TCERG1: variants seen among roughly 807,000 people sequenced by gnomAD.
The protein encoded by TCERG1 is transcription elongation regulator 1.
TCERG1 carries 37 observed loss-of-function variants against 144.7 expected under a neutral mutation model. The ratio of observed to expected loss-of-function variants is 0.26; its 90% CI spans 0.20 to 0.34. The LOEUF (loss-of-function observed/expected upper bound fraction) is 0.34. Ranked by LOEUF, TCERG1 falls within the 10% of genes least tolerant of loss-of-function variation. The pLI, the probability that TCERG1 is intolerant of heterozygous loss-of-function variation, is 1.00. For missense variants in TCERG1, 1,027 were observed against 1,380.7 expected, an observed-to-expected ratio of 0.74 and a Z score of 4.06; for synonymous variants, 492 against 458.2, an observed-to-expected ratio of 1.07 and a Z score of -0.94.
intron 6 of TCERG1, among the ~76,000 whole-genome samples, chr5:146,468,804 A>G (rs920535784): frequency 2.0e-5 from 3 of 152,186 alleles, no homozygotes; most frequent in African/African-American, 7.2e-5. Context: ...ACATGTGTAT[A>G]GTATACATTT....
At chr5:146,472,328 A>G (rs966486618) in intron 9 of TCERG1, among the ~76,000 whole-genome samples, 42 of 151,590 alleles carry the variant, frequency 2.8e-4, no homozygotes, top group African/African-American at 9.7e-4. Flanking sequence ...TGTATCTAAC[A>G]TGCCTCTTGG....
intron 1 of TCERG1, among the ~76,000 whole-genome samples, chr5:146,454,150 G>A (rs1352488310): frequency 2.0e-5 from 3 of 151,032 alleles, no homozygotes; most frequent in Admixed American, 6.6e-5. Context: ...GCAGTGAGCC[G>A]AGATCATGCC....
chr5:146,486,818 T>TA (rs1278625431), intron 15 of TCERG1, among the ~76,000 whole-genome samples: 1 of 152,230 alleles, frequency 6.6e-6, no homozygotes, highest in African/African-American at 2.4e-5. Context: ...CTCATGCCTG[T>TA]AATCCCAGCA....
chr5:146,509,257 G>A lies in TCERG1; in HGVS notation c.3146+12G>A, dbSNP rs545571361. The A allele has an allele frequency of 1.3e-6, 2 of 1,558,192 alleles. No individual in the cohort carries two copies. The highest frequency in any genetic ancestry group is 2.3e-5 in the South Asian group (2 of 86,190). On this transcript the variant is annotated intron_variant, in intron 22 of 22. Coordinates refer to ENST00000679501, the MANE Select transcript of TCERG1 (RefSeq NM_001382548.1). ...TTTATAACATATAGGTGTGTGCAAT[G>A]AAATGTTTCATATTGGCAGTCATTC...
Position 146,507,997 on chromosome 5 carries a change from A to G in TCERG1, c.3045+41A>G, listed in dbSNP as rs371747195. ...GTCGAGATTTACTGTCAGTCTATAA[A>G]TACTTAAATCGGGGCCTAACAGCAC... On this transcript the variant is annotated intron_variant, in intron 21 of 22. Transcript: ENST00000679501. This position sits in a 1 kb window ranked among gnomAD's most constrained non-coding sequence, Gnocchi z 4.6. 14 of 1,479,468 alleles carry G rather than the reference A, an allele frequency of 9.5e-6. No homozygotes were observed. The African/African-American group carries it at 1.8e-4, about 19-fold the overall frequency. The allele number at this position is 1,479,468 out of a possible 1,614,324, so 91.6% of individuals were successfully genotyped here. A position where few individuals can be genotyped will look rare whatever the true frequency, so the allele number is the denominator to read the frequency against.
At position 146,458,979 on chromosome 5, in the gene TCERG1, AGCCCAGGCACAGGTTCAGGCTCAG is replaced by A; in HGVS notation, c.543_566del (p.Val183_Gln190del). The stretch of plus-strand genomic sequence containing the variant: ...AATCAGAACTGACACCTATGCTTGC[AGCCCAGGCACAGGTTCAGGCTCAG>A]GCCCAGGCGCAGGCTCAGGCCCAGG... On this transcript the variant is annotated inframe_deletion, in exon 4 of 23. Coordinates refer to ENST00000679501, the MANE Select transcript of TCERG1 (RefSeq NM_001382548.1). The A allele has an allele frequency of 6.2e-7, 1 of 1,614,142 alleles. No homozygotes were observed. The highest frequency in any genetic ancestry group is 1.1e-5 in the South Asian group (1 of 91,078).
chr5:146,455,565 ATCT>A (rs1428546857), intron 2 of TCERG1, among the ~76,000 whole-genome samples: 2 of 152,216 alleles, frequency 1.3e-5, no homozygotes, highest in Non-Finnish European at 1.5e-5. Flanking sequence ...TTAGTAATGC[ATCT>A]TCTTTATGGG....
rs770436247 is a variant in TCERG1, at chr5:146,483,587, T to C, written c.2121T>C (p.Phe707=). Residue 707 remains phenylalanine (F), a synonymous_variant, in exon 15 of 23, where the codon TTT becomes TTC. Transcript: ENST00000679501. ...TWEKELHKIV[F]DPRYLLLNPK... is the part of the protein sequence containing the mutation. Reference sequence around the variant, plus strand: ...AGAAGGAGTTGCACAAGATAGTTTTTGATCCCCGGTACTTACTTCTCAATC... The same window carrying C: ...AGAAGGAGTTGCACAAGATAGTTTTCGATCCCCGGTACTTACTTCTCAATC... 8.7e-6 allele frequency: 14 copies of C among 1,612,690 alleles called. No homozygotes were observed. The highest frequency in any genetic ancestry group is 1.6e-4 in the Middle Eastern group (1 of 6,074).
At chr5:146,462,097 G>C (rs1763380887) in intron 4 of TCERG1, 1 of 152,580 alleles carries the variant, frequency 6.6e-6, no homozygotes, top group South Asian at 2.1e-4. Context: ...TTTAGCCAAG[G>C]TGAGTCCCTC....
chr5:146,482,831 G>T, intron 14 of TCERG1, 104 bp downstream of exon 14: 1 of 1,322,648 alleles, frequency 7.6e-7, no homozygotes, highest in Non-Finnish European at 9.8e-7. Context: ...GTTATGGGGG[G>T]GGATAAGGGG....
Position 146,455,176 on chromosome 5 carries a change from T to C in TCERG1, c.180T>C (p.Pro60=). Residue 60 remains proline (P), a synonymous_variant, in exon 2 of 23, where the codon CCT becomes CCC. Coordinates refer to ENST00000679501, the MANE Select transcript of TCERG1 (RefSeq NM_001382548.1). ...PPPFGMMRGP[P]PPPRPPFGRP... Reference sequence around the variant, plus strand: ...CTTTTGGTATGATGCGAGGCCCTCCTCCACCACCACGGCCGCCCTTTGGAC... The same window carrying C: ...CTTTTGGTATGATGCGAGGCCCTCCCCCACCACCACGGCCGCCCTTTGGAC... The C allele has an allele frequency of 6.2e-7, 1 of 1,614,198 alleles. No individual in the cohort carries two copies. The highest frequency in any genetic ancestry group is 8.5e-7 in the Non-Finnish European group (1 of 1,180,026).
In TCERG1 at chr5:146,480,885, A is replaced by G. The variant is rs372716247; in HGVS notation, c.1887-265A>G. Among the ~76,000 whole-genome samples, 44 of 152,176 alleles carry G rather than the reference A, an allele frequency of 2.9e-4. 1 individual carries two copies. The highest frequency in any genetic ancestry group is 9.6e-4 in the African/African-American group (40 of 41,540). ...ATCACTCATAATTTATCAGCGTAAC[A>G]TAGCTATTCTCATTTTTGCAATTGA... On this transcript the variant is annotated intron_variant, in intron 12 of 22. Coordinates refer to ENST00000679501, the MANE Select transcript of TCERG1 (RefSeq NM_001382548.1).
Position 146,482,725 on chromosome 5 carries a change from G to C in TCERG1, c.2071G>C (p.Gly691Arg), listed in dbSNP as rs1765469650. 1 of 1,604,554 alleles carries C rather than the reference G, an allele frequency of 6.2e-7. No homozygotes were observed. Among genetic ancestry groups the C allele is most frequent in the Non-Finnish European group, 8.5e-7 (1 of 1,175,246 alleles). ...GTTCAAGGACATGCTGCTAGAGAGA[G>C]GGGTCAGAAAACAATCTTTGGGGGA... ...KQFKDMLLERGVSAFSTWEKE... is the reference protein window; with the variant it reads ...KQFKDMLLERRVSAFSTWEKE... The change falls in exon 14 of 23, where the codon GGG (glycine) becomes CGG (arginine). Residue 691 changes from glycine (G) to arginine (R), a missense_variant and splice_region_variant. Gly to Arg is a moderately radical substitution (Grantham distance 125). Coordinates refer to ENST00000679501, the MANE Select transcript of TCERG1 (RefSeq NM_001382548.1).
chr5:146,474,553 A>G (rs58389936), intron 9 of TCERG1, among the ~76,000 whole-genome samples: 37,245 of 152,094 alleles, frequency 0.24, 5,673 homozygotes, highest in East Asian at 0.83. Flanking sequence ...TGTAGGTAAA[A>G]TGCTATCAAA....
At chr5:146,458,580 G>T (rs2150255606) in intron 3 of TCERG1, among the ~76,000 whole-genome samples, 1 of 151,536 alleles carries the variant, frequency 6.6e-6, no homozygotes, top group East Asian at 2.0e-4. Flanking sequence ...TCAAGTGATT[G>T]TTTTGCCTCA....
intron 3 of TCERG1, 31 bp downstream of exon 3, chr5:146,457,366 T>G: frequency 2.6e-6 from 4 of 1,568,032 alleles, no homozygotes; most frequent in Non-Finnish European, 3.5e-6. Flanking sequence ...AAGTTGTCAT[T>G]TGTTGACAGA....
Position 146,507,252 on chromosome 5 carries a change from T to C in TCERG1, c.2961+45T>C. On this transcript the variant is annotated intron_variant, in intron 20 of 22. Transcript: ENST00000679501. This position sits in a 1 kb window ranked among gnomAD's most constrained non-coding sequence, Gnocchi z 4.6. Reference sequence around the variant, plus strand: ...CTCATTTTAATCTGGATGAATCTTGTTAGTAATTTCTTAAAGCAAAGCATT... The same window carrying C: ...CTCATTTTAATCTGGATGAATCTTGCTAGTAATTTCTTAAAGCAAAGCATT... The C allele has an allele frequency of 6.7e-7, 1 of 1,497,314 alleles. No homozygotes were observed. The highest frequency in any genetic ancestry group is 8.9e-7 in the Non-Finnish European group (1 of 1,121,696). 92.8% of individuals were successfully genotyped at this position (1,497,314 alleles called of 1,614,324 possible). A position where few individuals can be genotyped will look rare whatever the true frequency, so the allele number is the denominator to read the frequency against.
chr5:146,505,132 A>G (rs766268787), intron 19 of TCERG1, among the ~76,000 whole-genome samples: 13 of 151,768 alleles, frequency 8.6e-5, no homozygotes, highest in Non-Finnish European at 1.8e-4. Flanking sequence ...TAATGTTTTA[A>G]GAAAGTTTAT....
At chr5:146,476,131 T>C (rs1764821705) in intron 9 of TCERG1, among the ~76,000 whole-genome samples, 1 of 152,204 alleles carries the variant, frequency 6.6e-6, no homozygotes, top group South Asian at 2.1e-4. Flanking sequence ...CAGGGGGCTC[T>C]TGGCACTTTT....
Sources: gnomAD v4.1 joint callset for allele counts (sites outside exome capture counted in the v4.1 genomes callset) on GRCh38, gnomAD v4.1.1 for gene constraint, Gnocchi (gnomAD v3.1) non-coding constraint, MANE v1.5 for transcripts, NCBI Gene and HGNC (gene_info 2026-07-23, HGNC 2026-07-21) for gene names.